COMMD10: variants seen among roughly 807,000 people sequenced by gnomAD.
COMMD10 encodes the protein COMM domain containing 10.
A neutral mutation model predicts 28.9 loss-of-function variants in COMMD10; 33 were observed. That is an observed-to-expected ratio of 1.14 (90% confidence interval 0.87 to 1.53). The LOEUF (loss-of-function observed/expected upper bound fraction) is 1.53. Among genes scored for constraint, COMMD10 ranks in the 40% most tolerant of loss-of-function variants. The pLI is 0.00. For missense variants in COMMD10, 310 were observed against 233.4 expected (o/e 1.33, Z -2.14); for synonymous variants, 110 against 81.7 (o/e 1.35, Z -1.87).
At position 116,200,599 on chromosome 5, in the gene COMMD10, T is replaced by TTTTTG. The variant is rs551346997; in HGVS notation, c.510+66441_510+66445dup. Among the ~76,000 whole-genome samples, 113 of 152,152 alleles carry TTTTTG rather than the reference T, an allele frequency of 7.4e-4. 1 individual carries two copies. Among genetic ancestry groups the TTTTTG allele is most frequent in the South Asian group, 4.1e-3 (20 of 4,822 alleles). On this transcript the variant is annotated intron_variant, in intron 5 of 6. Coordinates refer to ENST00000274458, the MANE Select transcript of COMMD10 (RefSeq NM_016144.4). Reference sequence around the variant, plus strand: ...AGTTGTGCCACATTTCCTCCTGGGTTTTTTGTTTTGTTTTGTTTTGTTTTT... The same window carrying TTTTTG: ...AGTTGTGCCACATTTCCTCCTGGGTTTTTTGTTTTGTTTTGTTTTGTTTTGTTTTT...
At chr5:116,109,654 G>T (rs909711320) in intron 4 of COMMD10, among the ~76,000 whole-genome samples, 1 of 152,138 alleles carries the variant, frequency 6.6e-6, no homozygotes, top group Non-Finnish European at 1.5e-5. Context: ...TTGTAAATGG[G>T]ATTGTTTTCT....
chr5:116,231,722 T>A (rs1042057292), intron 5 of COMMD10, among the ~76,000 whole-genome samples: 1 of 152,168 alleles, frequency 6.6e-6, no homozygotes, highest in Non-Finnish European at 1.5e-5. Flanking sequence ...ATTCTCATTA[T>A]AAAGTGTATT....
At chr5:116,198,941 A>G (rs1441122303) in intron 5 of COMMD10, among the ~76,000 whole-genome samples, 1 of 152,168 alleles carries the variant, frequency 6.6e-6, no homozygotes, top group East Asian at 1.9e-4. Flanking sequence ...TTTTGTATGC[A>G]CGTAAGTCTT....
At chr5:116,189,933 C>G (rs1032925163) in intron 5 of COMMD10, among the ~76,000 whole-genome samples, 1 of 152,106 alleles carries the variant, frequency 6.6e-6, no homozygotes, top group African/African-American at 2.4e-5. Context: ...TTCTGAAAAA[C>G]CTCCCTTCAT....
At chr5:116,254,758 C>A (rs946974374) in intron 5 of COMMD10, among the ~76,000 whole-genome samples, 2 of 151,392 alleles carry the variant, frequency 1.3e-5, no homozygotes, top group Non-Finnish European at 2.9e-5. Context: ...GTGGTGCTGA[C>A]AAAAATGTAT....
In COMMD10 at chr5:116,253,386, T is replaced by G. The variant is rs1750180736; in HGVS notation, c.511-38131T>G. Among the ~76,000 whole-genome samples the G allele has an allele frequency of 2.0e-5, 3 of 150,730 alleles. No individual in the cohort carries two copies. The South Asian group carries it at 6.3e-4, about 32-fold the overall frequency. On this transcript the variant is annotated intron_variant, in intron 5 of 6. Coordinates refer to ENST00000274458, the MANE Select transcript of COMMD10 (RefSeq NM_016144.4). ...CCCTGTCTTGTGCTAGTGTTCAAAGTGAAAGCTTCCAGTTTTTGCCCATTC... is the reference window on the plus strand; with the variant it reads ...CCCTGTCTTGTGCTAGTGTTCAAAGGGAAAGCTTCCAGTTTTTGCCCATTC...
intron 5 of COMMD10, among the ~76,000 whole-genome samples, chr5:116,289,419 C>T (rs1333435984): frequency 6.6e-6 from 1 of 151,818 alleles, no homozygotes; most frequent in Non-Finnish European, 1.5e-5. Flanking sequence ...ACTAATACCC[C>T]AGCTGGGAGT....
intron 4 of COMMD10, among the ~76,000 whole-genome samples, chr5:116,112,522 G>A (rs763679242): frequency 6.6e-6 from 1 of 152,020 alleles, no homozygotes; most frequent in Non-Finnish European, 1.5e-5. Flanking sequence ...TCAGCCTCCT[G>A]AGTAGCTGTG....
chr5:116,127,155 G>C (rs1167971690), intron 4 of COMMD10, among the ~76,000 whole-genome samples: 2 of 152,186 alleles, frequency 1.3e-5, no homozygotes, highest in African/African-American at 4.8e-5. Flanking sequence ...CATTTATGCA[G>C]CCAACAGACA....
intron 5 of COMMD10, among the ~76,000 whole-genome samples, chr5:116,271,100 T>C (rs1166708188): frequency 6.6e-6 from 1 of 151,162 alleles, no homozygotes; most frequent in Non-Finnish European, 1.5e-5. Context: ...TGGGAGAAAA[T>C]CTTTCCTCTA....
At chr5:116,091,051 A>G (rs1386494817) in intron 2 of COMMD10, 28 bp from the exon 3 acceptor site, 5 of 1,371,474 alleles carry the variant, frequency 3.6e-6, no homozygotes, top group Middle Eastern at 1.8e-4. Flanking sequence ...ATATGTGCTA[A>G]TATAATAGAT....
rs565321308 is a variant in COMMD10, at chr5:116,260,241, G to A, written c.511-31276G>A. 8.9e-4 allele frequency among the ~76,000 whole-genome samples: 135 copies of A among 151,880 alleles called. 1 individual carries two copies. Among genetic ancestry groups the A allele is most frequent in the Non-Finnish European group, 1.7e-3 (115 of 67,978 alleles). ...CAACATATTATGAAGGGAGGAAAAT[G>A]TGCTGAATATTGCTGATGTTTAATG... On this transcript the variant is annotated intron_variant, in intron 5 of 6. Transcript: ENST00000274458.
At chr5:116,281,903 A>G (rs1021170218) in intron 5 of COMMD10, among the ~76,000 whole-genome samples, 2 of 151,768 alleles carry the variant, frequency 1.3e-5, no homozygotes, top group East Asian at 3.9e-4. Context: ...TTTTCATACT[A>G]CTACTTTTTT....
intron 5 of COMMD10, among the ~76,000 whole-genome samples, chr5:116,235,123 C>G (rs750612722): frequency 2.0e-5 from 3 of 152,124 alleles, no homozygotes; most frequent in Non-Finnish European, 4.4e-5. Context: ...TTTTTTCCAT[C>G]TGTGAAATGT....
At chr5:116,219,943 A>G (rs1440487323) in intron 5 of COMMD10, among the ~76,000 whole-genome samples, 2 of 152,008 alleles carry the variant, frequency 1.3e-5, no homozygotes, top group African/African-American at 2.4e-5. Flanking sequence ...AGAGTTTTTT[A>G]TTAAGGAATT....
intron 5 of COMMD10, among the ~76,000 whole-genome samples, chr5:116,218,590 C>T (rs1239152898): frequency 6.6e-6 from 1 of 152,096 alleles, no homozygotes; most frequent in African/African-American, 2.4e-5. Flanking sequence ...GAGTCCTTTA[C>T]TTAGGACAGG....
At chr5:116,240,107 T>C (rs74378550) in intron 5 of COMMD10, among the ~76,000 whole-genome samples, 8,101 of 152,104 alleles carry the variant, frequency 0.053, 304 homozygotes, top group African/African-American at 0.11. Context: ...TATGTGAGGC[T>C]AGAGAGAGTC....
chr5:116,288,603 T>TA (rs1751282984), intron 5 of COMMD10, among the ~76,000 whole-genome samples: 1 of 151,796 alleles, frequency 6.6e-6, no homozygotes, highest in Non-Finnish European at 1.5e-5. Context: ...GATATTGTCC[T>TA]AAATCCCTTA....
At chr5:116,119,459 T>A (rs1194373018) in intron 4 of COMMD10, among the ~76,000 whole-genome samples, 1 of 152,248 alleles carries the variant, frequency 6.6e-6, no homozygotes, top group Non-Finnish European at 1.5e-5. Flanking sequence ...TTCTGGAGGC[T>A]GCCTAATGGG....
Sources: gnomAD v4.1 joint callset for allele counts (sites outside exome capture counted in the v4.1 genomes callset) on GRCh38, gnomAD v4.1.1 for gene constraint, MANE v1.5 for transcripts, NCBI Gene and HGNC (gene_info 2026-07-23, HGNC 2026-07-21) for gene names.